Variants in CCDC63 observed in about 807,000 individuals in gnomAD.
CCDC63 encodes coiled-coil domain-containing protein 63.
Under a neutral mutation model 63.6 loss-of-function variants are expected in CCDC63, and 54 were observed. That is an observed-to-expected ratio of 0.85 (90% CI 0.68 to 1.07). CCDC63 has a LOEUF of 1.07. Ranked by LOEUF, CCDC63 falls within the 50% of genes least tolerant of loss-of-function variation. The pLI, the probability that CCDC63 is intolerant of heterozygous loss-of-function variation, is 0.00. For missense variants in CCDC63, 637 were observed against 689.6 expected, an observed-to-expected ratio of 0.92 and a Z score of 0.86; for synonymous variants, 253 against 266.1, an observed-to-expected ratio of 0.95 and a Z score of 0.48.
chr12:110,899,256 C>T (rs1592788296), intron 10 of CCDC63, 131 bp downstream of exon 10: 1 of 765,448 alleles, frequency 1.3e-6, no homozygotes, highest in Non-Finnish European at 2.1e-6. Flanking sequence ...GCCAGCCTGC[C>T]TGGGTTTGAA....
intron 10 of CCDC63, among the ~76,000 whole-genome samples, chr12:110,904,020 G>A (rs1368173307): frequency 1.3e-5 from 2 of 152,088 alleles, no homozygotes; most frequent in Non-Finnish European, 2.9e-5. Context: ...TTGAGATACC[G>A]TATGTCTGCT....
Position 110,893,118 on chromosome 12 carries a change from G to A in CCDC63, c.1117G>A (p.Asp373Asn), listed in dbSNP as rs113767208. 2.8e-3 allele frequency: 4,485 copies of A among 1,614,044 alleles called. 106 individuals carry two copies. The African/African-American group carries it at 0.052, about 19-fold the overall frequency. Residue 373 changes from aspartate to asparagine, a missense_variant, in exon 9 of 12, where the codon GAT becomes AAT. Asp to Asn is a conservative substitution (Grantham distance 23). Transcript: ENST00000308208. ...LLRSQQKLSH[D>N]DNHSVLRQLE... ...GCGATCCCAGCAGAAATTGTCCCAC[G>A]ATGACAACCACTCTGTCCTGAGACA...
chr12:110,850,493 G>A (rs1011286825), intron 1 of CCDC63, among the ~76,000 whole-genome samples: 1 of 152,208 alleles, frequency 6.6e-6, no homozygotes, highest in Admixed American at 6.5e-5. Flanking sequence ...TGTAATCCCA[G>A]CACTTTGGGA....
At chr12:110,869,094 T>G (rs2071028284) in intron 4 of CCDC63, among the ~76,000 whole-genome samples, 1 of 152,178 alleles carries the variant, frequency 6.6e-6, no homozygotes, top group Admixed American at 6.5e-5. Flanking sequence ...AACTCAGGGA[T>G]GCTAACACGG....
chr12:110,851,253 GTGCT>G (rs66805271), intron 1 of CCDC63, among the ~76,000 whole-genome samples: 110,185 of 151,420 alleles, frequency 0.73, 40,236 homozygotes, highest in African/African-American at 0.76. Flanking sequence ...CTAAATGCTG[GTGCT>G]TGCTTGGATG....
chr12:110,906,922 A>G lies in CCDC63; in HGVS notation c.1547-409A>G, dbSNP rs1048468530. Among the ~76,000 whole-genome samples the G allele has an allele frequency of 2.0e-5, 3 of 152,172 alleles. No individual in the cohort carries two copies. In the South Asian group the frequency reaches 6.2e-4, roughly 31 times the overall value. On this transcript the variant is annotated intron_variant, in intron 11 of 11. Transcript: ENST00000308208. The stretch of plus-strand genomic sequence containing the variant: ...AGGTTCTCCCAGCCCACTGGCCTCT[A>G]TGGCCTACAGGTGTGAATTAGAAGG...
intron 5 of CCDC63, among the ~76,000 whole-genome samples, chr12:110,875,380 A>G (rs1013709269): frequency 6.6e-6 from 1 of 152,168 alleles, no homozygotes; most frequent in African/African-American, 2.4e-5. Context: ...GCCTCAGCAA[A>G]TGTCTGTTGA....
chr12:110,866,397 T>A (rs1399009900), intron 4 of CCDC63, among the ~76,000 whole-genome samples: 1 of 148,212 alleles, frequency 6.7e-6, no homozygotes, highest in African/African-American at 2.5e-5. Context: ...GGGACCATAG[T>A]GGAGGGAAGG....
At chr12:110,893,748 A>G (rs1171462953) in intron 9 of CCDC63, among the ~76,000 whole-genome samples, 1 of 151,988 alleles carries the variant, frequency 6.6e-6, no homozygotes, top group Non-Finnish European at 1.5e-5. Flanking sequence ...AATAATAGGG[A>G]CTCCAAATAA....
intron 4 of CCDC63, among the ~76,000 whole-genome samples, chr12:110,865,980 C>CT (rs5800900): frequency 6.6e-6 from 1 of 151,868 alleles, no homozygotes; most frequent in South Asian, 2.1e-4. Flanking sequence ...CAACTTTTTT[C>CT]TTTTTTTGTA....
At chr12:110,868,613 C>A (rs958664773) in intron 4 of CCDC63, among the ~76,000 whole-genome samples, 2 of 151,428 alleles carry the variant, frequency 1.3e-5, no homozygotes, top group Non-Finnish European at 2.9e-5. Context: ...CGCAGGCATT[C>A]GGCAGACTGA....
Position 110,868,140 on chromosome 12 carries a change from C to T in CCDC63, c.370-5702C>T, listed in dbSNP as rs1328533257. ...CCCCACATTTCAGACGATGGGCGGC[C>T]GGGCAGAGACGCTCCTCACTTCCTA... On this transcript the variant is annotated intron_variant, in intron 4 of 11. Transcript: ENST00000308208. 1.5e-4 allele frequency among the ~76,000 whole-genome samples: 23 copies of T among 149,312 alleles called. No homozygotes were observed. In the Middle Eastern group the frequency reaches 0.021, roughly 134 times the overall value.
At chr12:110,866,356 T>C (rs1446565634) in intron 4 of CCDC63, among the ~76,000 whole-genome samples, 1 of 149,872 alleles carries the variant, frequency 6.7e-6, no homozygotes, top group African/African-American at 2.5e-5. Context: ...TTCTTGGGTG[T>C]TTCTCACAGA....
At position 110,884,186 on chromosome 12, in the gene CCDC63, TC is replaced by T. The variant is rs757267996; in HGVS notation, c.1011del (p.Phe337LeufsTer13). 4 of 1,614,114 alleles carry T rather than the reference TC, an allele frequency of 2.5e-6. No homozygotes were observed. In the South Asian group the frequency reaches 4.4e-5, roughly 18 times the overall value. On this transcript the variant is annotated frameshift_variant, in exon 8 of 12. Transcript: ENST00000308208. LOFTEE classifies it high-confidence loss of function. The part of the protein sequence containing the change: ...LAKEEKNFAR[F>X]TYVTELNNDM... ...AAGGAGGAGAAGAATTTTGCTCGGTTCACGTATGTCACGGAGCTCAACAACG... is the reference window on the plus strand; with the variant it reads ...AAGGAGGAGAAGAATTTTGCTCGGTTACGTATGTCACGGAGCTCAACAACG...
rs143542887 is a variant in CCDC63 at position 110,875,711 on chromosome 12, T to C, written c.489+1750T>C. Among the ~76,000 whole-genome samples the C allele has an allele frequency of 8.1e-4, 124 of 152,358 alleles. 1 individual carries two copies. Among genetic ancestry groups the C allele is most frequent in the African/African-American group, 2.9e-3 (120 of 41,574 alleles). ...TAAGATCTGTAGTAATGCTCCTTTT[T>C]ATATTTCTGAGAGGTCTGTTTTTTG... On this transcript the variant is annotated intron_variant, in intron 5 of 11. Coordinates refer to ENST00000308208, the MANE Select transcript of CCDC63 (RefSeq NM_152591.3).
At chr12:110,862,561 A>G (rs1048511740) in intron 4 of CCDC63, among the ~76,000 whole-genome samples, 1 of 152,010 alleles carries the variant, frequency 6.6e-6, no homozygotes, top group African/African-American at 2.4e-5. Flanking sequence ...AGGAAATCCA[A>G]CTCTGAATGT....
intron 4 of CCDC63, among the ~76,000 whole-genome samples, chr12:110,868,511 C>A (rs1461083746): frequency 6.7e-6 from 1 of 150,374 alleles, no homozygotes; most frequent in Non-Finnish European, 1.5e-5. Context: ...TGGCGGATCA[C>A]TCGCGGTTAG....
chr12:110,859,249 AAGAGTTCT>A (rs56685303), intron 4 of CCDC63, among the ~76,000 whole-genome samples: 1,990 of 152,306 alleles, frequency 0.013, 47 homozygotes, highest in African/African-American at 0.046. Flanking sequence ...ATGGGAAAGA[AAGAGTTCT>A]AGAGGGTTTC....
intron 3 of CCDC63, among the ~76,000 whole-genome samples, chr12:110,855,925 A>G (rs1048429364): frequency 1.3e-5 from 2 of 151,924 alleles, no homozygotes; most frequent in Non-Finnish European, 2.9e-5. Flanking sequence ...GTATTTAAGG[A>G]AGCACTTTTC....
Sources: gnomAD v4.1 joint callset for allele counts (sites outside exome capture counted in the v4.1 genomes callset) on GRCh38, gnomAD v4.1.1 for gene constraint, MANE v1.5 for transcripts, NCBI Gene and HGNC (gene_info 2026-07-23, HGNC 2026-07-21) for gene names.